MTUS2: variants seen among roughly 807,000 people sequenced by gnomAD.
MTUS2 encodes the protein microtubule associated scaffold protein 2, also known as microtubule-associated tumor suppressor candidate 2.
A neutral mutation model predicts 114.1 loss-of-function variants in MTUS2; 40 were observed. That is an observed-to-expected ratio of 0.35 (90% confidence interval 0.27 to 0.46). MTUS2 has a LOEUF of 0.46. Ranked by LOEUF, MTUS2 falls within the 20% of genes least tolerant of loss-of-function variation. The probability of loss-of-function intolerance (pLI) is 1.00; values close to 1 mark genes in which losing one functional copy is unlikely to be tolerated. For missense variants in MTUS2, 1,679 were observed against 1,705.4 expected (o/e 0.98, Z 0.27); for synonymous variants, 688 against 672.0 (o/e 1.02, Z -0.37).
intron 1 of MTUS2, among the ~76,000 whole-genome samples, chr13:28,835,410 C>G (rs1875009227): frequency 6.6e-6 from 1 of 151,902 alleles, no homozygotes; most frequent in East Asian, 1.9e-4. Context: ...CACAAAATAC[C>G]ACCTGTTATA....
At chr13:29,375,553 ATATACGT>A (rs1458088845) in intron 8 of MTUS2, among the ~76,000 whole-genome samples, 22,455 of 34,066 alleles carry the variant, frequency 0.66, 7,758 homozygotes, top group East Asian at 0.78. Flanking sequence ...ATATATATAT[ATATACGT>A]ATATATATAT....
chr13:29,179,141 G>A (rs9508308), intron 5 of MTUS2, among the ~76,000 whole-genome samples: 112,093 of 151,602 alleles, frequency 0.74, 41,510 homozygotes, highest in East Asian at 0.8. Flanking sequence ...AGAATATAGA[G>A]TAATAGATGG....
At chr13:28,933,934 T>C (rs1881758572) in intron 2 of MTUS2, among the ~76,000 whole-genome samples, 1 of 152,244 alleles carries the variant, frequency 6.6e-6, no homozygotes. Flanking sequence ...TTCCTTGACT[T>C]CATGCTTAGA....
intron 2 of MTUS2, among the ~76,000 whole-genome samples, chr13:28,913,721 T>C (rs1880585219): frequency 6.6e-6 from 1 of 152,174 alleles, no homozygotes; most frequent in South Asian, 2.1e-4. Context: ...TCTGGTAGTA[T>C]TCAGCTGTAA....
intron 4 of MTUS2, among the ~76,000 whole-genome samples, chr13:29,074,315 A>G (rs1889084040): frequency 6.6e-6 from 1 of 152,070 alleles, no homozygotes; most frequent in Non-Finnish European, 1.5e-5. Flanking sequence ...CCAGTAACCT[A>G]TTCCTTGCTT....
intron 2 of MTUS2, among the ~76,000 whole-genome samples, chr13:28,989,529 G>A (rs1470228687): frequency 1.3e-5 from 2 of 152,214 alleles, no homozygotes; most frequent in Non-Finnish European, 2.9e-5. Context: ...AAGAGGCTTA[G>A]ATTTGACTTG....
intron 2 of MTUS2, among the ~76,000 whole-genome samples, chr13:28,976,283 A>G (rs1003860234): frequency 2.0e-5 from 3 of 151,984 alleles, no homozygotes; most frequent in Non-Finnish European, 4.4e-5. Flanking sequence ...GGAAGAAGGC[A>G]CAGCATGAGT....
chr13:28,823,270 A>C (rs1469636976), intron 1 of MTUS2, among the ~76,000 whole-genome samples: 2 of 152,262 alleles, frequency 1.3e-5, no homozygotes, highest in Non-Finnish European at 2.9e-5. Context: ...TCCTACAGGA[A>C]ACAAATGCAG....
chr13:28,928,638 A>G (rs73161857), intron 2 of MTUS2, among the ~76,000 whole-genome samples: 12,755 of 152,266 alleles, frequency 0.084, 594 homozygotes, highest in South Asian at 0.13. Flanking sequence ...ATTGGTGGGA[A>G]TGTAAGTACG....
chr13:29,218,554 A>T (rs1895776115), intron 5 of MTUS2, among the ~76,000 whole-genome samples: 1 of 152,246 alleles, frequency 6.6e-6, no homozygotes, highest in African/African-American at 2.4e-5. Flanking sequence ...TGTCTATGGC[A>T]GCTATAGCCC....
chr13:28,885,479 T>G (rs373388484), intron 2 of MTUS2, among the ~76,000 whole-genome samples: 30 of 152,328 alleles, frequency 2.0e-4, no homozygotes, highest in African/African-American at 7.0e-4. Flanking sequence ...CTGGAAACAC[T>G]GAGTACCTTT....
At chr13:29,054,335 C>A (rs1226420676) in intron 4 of MTUS2, among the ~76,000 whole-genome samples, 1 of 151,982 alleles carries the variant, frequency 6.6e-6, no homozygotes, top group African/African-American at 2.4e-5. Flanking sequence ...TTAGATATAT[C>A]TTTTGAAAAT....
chr13:29,409,205 A>G (rs1875028947), intron 8 of MTUS2, among the ~76,000 whole-genome samples: 1 of 152,178 alleles, frequency 6.6e-6, no homozygotes, highest in East Asian at 1.9e-4. Context: ...AATCTCAGCT[A>G]CTCGGGAGGC....
chr13:29,026,451 C>G lies in MTUS2; in HGVS notation c.1753C>G (p.Pro585Ala). 1 of 1,613,948 alleles carries G rather than the reference C, an allele frequency of 6.2e-7. No homozygotes were observed. The highest frequency in any genetic ancestry group is 8.5e-7 in the Non-Finnish European group (1 of 1,179,884). ...TAGTGCACGCTTGTTGAACACGTCC[C>G]CCAAAGTGCCTGACAAGAACACTTG... ...TDSARLLNTSPKVPDKNTCPS... is the reference protein window; with the variant it reads ...TDSARLLNTSAKVPDKNTCPS... Residue 585 changes from proline to alanine, a missense_variant, in exon 3 of 16, where the codon CCC becomes GCC. Physicochemically the swap from Pro to Ala is conservative, Grantham distance 27. Transcript: ENST00000612955.
chr13:28,896,345 G>T (rs943457597), intron 2 of MTUS2, among the ~76,000 whole-genome samples: 11 of 152,224 alleles, frequency 7.2e-5, no homozygotes, highest in African/African-American at 2.6e-4. Flanking sequence ...AACTTACAAG[G>T]GACGTGAAGG....
chr13:29,128,290 G>T (rs1286435069), intron 5 of MTUS2, among the ~76,000 whole-genome samples: 1 of 152,192 alleles, frequency 6.6e-6, no homozygotes, highest in Non-Finnish European at 1.5e-5. Flanking sequence ...AATGAGGAGT[G>T]AGTTGGATTT....
intron 6 of MTUS2, among the ~76,000 whole-genome samples, chr13:29,297,140 A>G (rs1478011698): frequency 6.6e-6 from 1 of 152,026 alleles, no homozygotes; most frequent in Non-Finnish European, 1.5e-5. Context: ...GATGGGGTCT[A>G]GTTTCATTTT....
chr13:29,209,168 A>G (rs1895317294), intron 5 of MTUS2, among the ~76,000 whole-genome samples: 1 of 152,102 alleles, frequency 6.6e-6, no homozygotes, highest in African/African-American at 2.4e-5. Context: ...TCCTTTTATC[A>G]TTATGTAATA....
chr13:29,277,062 A>G (rs529241933), intron 5 of MTUS2, among the ~76,000 whole-genome samples: 2 of 152,240 alleles, frequency 1.3e-5, no homozygotes, highest in Non-Finnish European at 2.9e-5. Flanking sequence ...ATGGTCTCTT[A>G]CATTTCTGCA....
Sources: gnomAD v4.1 joint callset for allele counts (sites outside exome capture counted in the v4.1 genomes callset) on GRCh38, gnomAD v4.1.1 for gene constraint, MANE v1.5 for transcripts, NCBI Gene and HGNC (gene_info 2026-07-23, HGNC 2026-07-21) for gene names.